CNTNAP5: variants seen among roughly 807,000 people sequenced by gnomAD.
CNTNAP5 encodes the protein contactin-associated protein-like 5.
A neutral mutation model predicts 150.2 loss-of-function variants in CNTNAP5; 72 were observed. The observed-to-expected ratio is 0.48, with a 90% confidence interval of 0.40 to 0.58. CNTNAP5 has a LOEUF of 0.58. Among genes scored for constraint, CNTNAP5 ranks in the 20% least tolerant of loss-of-function variants. The probability of loss-of-function intolerance (pLI) is 0.00; values close to 1 mark genes in which losing one functional copy is unlikely to be tolerated. For synonymous variants in CNTNAP5, 672 were observed against 619.8 expected, an observed-to-expected ratio of 1.08 and a Z score of -1.25; for missense variants, 1,636 against 1,626.2, an observed-to-expected ratio of 1.01 and a Z score of -0.10.
At chr2:124,026,224 T>C (rs574050002) in intron 1 of CNTNAP5, among the ~76,000 whole-genome samples, 36 of 152,284 alleles carry the variant, frequency 2.4e-4, no homozygotes, top group African/African-American at 8.4e-4. Flanking sequence ...AAGGCTCCAG[T>C]TGGGGTATCT....
intron 1 of CNTNAP5, among the ~76,000 whole-genome samples, chr2:124,089,720 C>G (rs577420813): frequency 5.9e-5 from 9 of 152,182 alleles, no homozygotes; most frequent in Non-Finnish European, 1.3e-4. Flanking sequence ...TTTCTGCTCC[C>G]ATAAAAGGAC....
intron 10 of CNTNAP5, among the ~76,000 whole-genome samples, chr2:124,535,605 A>C (rs1695211925): frequency 7.2e-6 from 1 of 139,310 alleles, no homozygotes; most frequent in Non-Finnish European, 1.6e-5. Flanking sequence ...CTACTGAAAT[A>C]CAAAAAAAAA....
intron 20 of CNTNAP5, among the ~76,000 whole-genome samples, chr2:124,867,395 GT>G (rs1219818453): frequency 1.3e-5 from 2 of 152,080 alleles, no homozygotes; most frequent in African/African-American, 4.8e-5. Flanking sequence ...TACCGAAAAG[GT>G]ATTGCCTCTG....
intron 19 of CNTNAP5, among the ~76,000 whole-genome samples, chr2:124,818,727 T>C (rs1259765691): frequency 6.6e-6 from 1 of 152,056 alleles, no homozygotes; most frequent in Admixed American, 6.5e-5. Flanking sequence ...TGGACTGCAG[T>C]AGTCTCTTCT....
intron 13 of CNTNAP5, among the ~76,000 whole-genome samples, chr2:124,739,648 T>C (rs1416766256): frequency 6.6e-6 from 1 of 152,162 alleles, no homozygotes; most frequent in East Asian, 1.9e-4. Flanking sequence ...CAAACAGTCA[T>C]TTCCTAAAGA....
At position 124,425,671 on chromosome 2, in the gene CNTNAP5, C is replaced by T. The variant is rs549673912; in HGVS notation, c.529+8081C>T. ...TTTCATTATTTATAGCTCCCCTTTT[C>T]AATCCCACAAGTCCTCATTAGGGTA... On this transcript the variant is annotated intron_variant, in intron 4 of 23. Transcript: ENST00000682447. Among the ~76,000 whole-genome samples, 7 of 151,056 alleles carry T rather than the reference C, an allele frequency of 4.6e-5. No homozygotes were observed. In the South Asian group the frequency reaches 1.5e-3, roughly 32 times the overall value.
chr2:124,335,156 A>C (rs1689440848), intron 3 of CNTNAP5, among the ~76,000 whole-genome samples: 1 of 152,166 alleles, frequency 6.6e-6, no homozygotes, highest in Non-Finnish European at 1.5e-5. Context: ...GGGTGCTGCT[A>C]GTCACAGACC....
Position 124,450,085 on chromosome 2 carries a change from A to C in CNTNAP5, c.918+3148A>C, listed in dbSNP as rs527705957. On this transcript the variant is annotated intron_variant, in intron 6 of 23. Transcript: ENST00000682447. ...TTTATCACAACGTTGCATATCAATTAGAATCTACATTGATTTGCTTTCTGC... is the reference window on the plus strand; with the variant it reads ...TTTATCACAACGTTGCATATCAATTCGAATCTACATTGATTTGCTTTCTGC... Among the ~76,000 whole-genome samples, 8 of 152,298 alleles carry C rather than the reference A, an allele frequency of 5.3e-5. No individual in the cohort carries two copies. The South Asian group carries it at 1.7e-3, about 32-fold the overall frequency.
rs147811923 is a variant in CNTNAP5, at chr2:124,457,496, A to G, written c.918+10559A>G. 5.1e-4 allele frequency among the ~76,000 whole-genome samples: 78 copies of G among 152,312 alleles called. 1 individual carries two copies. In the East Asian group the frequency reaches 0.014, roughly 28 times the overall value. On this transcript the variant is annotated intron_variant, in intron 6 of 23. Transcript: ENST00000682447. The stretch of plus-strand genomic sequence containing the variant: ...GAAAACATCAAAAAGTGTGCTAAGG[A>G]CATGAATAGACAATTCTCTTTTTTT...
chr2:124,706,162 C>A (rs1242544551), intron 13 of CNTNAP5, among the ~76,000 whole-genome samples: 2 of 152,056 alleles, frequency 1.3e-5, no homozygotes, highest in African/African-American at 4.8e-5. Flanking sequence ...AGGGACTTAC[C>A]CAAAAGACGA....
intron 3 of CNTNAP5, among the ~76,000 whole-genome samples, chr2:124,390,468 C>T (rs979764595): frequency 2.6e-5 from 4 of 152,164 alleles, no homozygotes; most frequent in African/African-American, 9.6e-5. Context: ...TAGCCCCAAT[C>T]TGATAAATAT....
intron 23 of CNTNAP5, among the ~76,000 whole-genome samples, chr2:124,911,821 C>G (rs1678662386): frequency 6.6e-6 from 1 of 152,102 alleles, no homozygotes; most frequent in Admixed American, 6.5e-5. Flanking sequence ...AGCTCACATT[C>G]TGCTCATTTC....
At chr2:124,861,902 C>T (rs1175541947) in intron 19 of CNTNAP5, among the ~76,000 whole-genome samples, 1 of 152,206 alleles carries the variant, frequency 6.6e-6, no homozygotes, top group Non-Finnish European at 1.5e-5. Flanking sequence ...CAACCTCTAC[C>T]TCCCAGGTTG....
chr2:124,311,861 G>A (rs1688839166), intron 3 of CNTNAP5, among the ~76,000 whole-genome samples: 1 of 152,112 alleles, frequency 6.6e-6, no homozygotes, highest in Non-Finnish European at 1.5e-5. Context: ...ACTGGGAGAG[G>A]CAGACACTTA....
chr2:124,916,913 A>G lies in CNTNAP5; in HGVS notation c.*2625A>G, dbSNP rs1678780534. 6.6e-6 allele frequency among the ~76,000 whole-genome samples: 1 copy of G among 152,048 alleles called. No homozygotes were observed. Among genetic ancestry groups the G allele is most frequent in the Non-Finnish European group, 1.5e-5 (1 of 67,986 alleles). ...CCCAGAGAACACTAACTTTCACTAG[A>G]TATATATGAAATGCAAGTGATCCGT... is the stretch of plus-strand genomic sequence containing the variant. On this transcript the variant is annotated 3_prime_UTR_variant, in exon 24 of 24. Coordinates refer to ENST00000682447, the MANE Select transcript of CNTNAP5 (RefSeq NM_001367498.1).
chr2:124,630,103 T>A (rs1437375344), intron 12 of CNTNAP5, among the ~76,000 whole-genome samples: 1 of 150,468 alleles, frequency 6.6e-6, no homozygotes, highest in Non-Finnish European at 1.5e-5. Flanking sequence ...AAAAAAAGAA[T>A]CCCAAGTCCA....
At chr2:124,052,872 C>A (rs1340467136) in intron 1 of CNTNAP5, among the ~76,000 whole-genome samples, 1 of 152,146 alleles carries the variant, frequency 6.6e-6, no homozygotes, top group African/African-American at 2.4e-5. Context: ...TTTTCCATAT[C>A]TTTGTGCCCT....
At chr2:124,712,491 T>C (rs1371046432) in intron 13 of CNTNAP5, among the ~76,000 whole-genome samples, 2 of 152,232 alleles carry the variant, frequency 1.3e-5, no homozygotes, top group African/African-American at 4.8e-5. Flanking sequence ...ACATGGGTTT[T>C]ATTAGCATGA....
intron 22 of CNTNAP5, among the ~76,000 whole-genome samples, chr2:124,910,424 A>C (rs1678631614): frequency 6.6e-6 from 1 of 152,084 alleles, no homozygotes; most frequent in Admixed American, 6.6e-5. Context: ...TTCTTACAAA[A>C]CCTTTTAAGG....
Sources: gnomAD v4.1 joint callset for allele counts (sites outside exome capture counted in the v4.1 genomes callset) on GRCh38, gnomAD v4.1.1 for gene constraint, MANE v1.5 for transcripts, NCBI Gene and HGNC (gene_info 2026-07-23, HGNC 2026-07-21) for gene names.